The following ATP12A variants were observed in gnomAD, a reference collection of about 807,000 sequenced individuals.
ATP12A encodes ATPase H+/K+ transporting non-gastric alpha2 subunit.
Under a neutral mutation model 111.2 loss-of-function variants are expected in ATP12A, and 81 were observed. The ratio of observed to expected loss-of-function variants is 0.73; its 90% CI spans 0.61 to 0.88. ATP12A has a LOEUF of 0.88. Among genes scored for constraint, ATP12A ranks in the 40% least tolerant of loss-of-function variants. ATP12A has a pLI of 0.00. For missense variants in ATP12A, 1,196 were observed against 1,313.1 expected, an observed-to-expected ratio of 0.91 and a Z score of 1.38; for synonymous variants, 498 against 499.8, an observed-to-expected ratio of 1.00 and a Z score of 0.05.
intron 11 of ATP12A, among the ~76,000 whole-genome samples, chr13:24,698,453 C>G (rs1458392442): frequency 6.6e-6 from 1 of 152,094 alleles, no homozygotes; most frequent in African/African-American, 2.4e-5. Flanking sequence ...GAAAGATGAG[C>G]TCCACTTATC....
chr13:24,688,402 C>G lies in ATP12A; in HGVS notation c.312C>G (p.Ile104Met). 6.2e-7 allele frequency: 1 copy of G among 1,614,168 alleles called. No homozygotes were observed. Among genetic ancestry groups the G allele is most frequent in the Non-Finnish European group, 8.5e-7 (1 of 1,180,036 alleles). ...CCCCTCCCAAGCAGACGCCTGAGAT[C>G]GTCAAGTTCCTCAAGCAGATGGTGG... ...SLTPPKQTPE[I>M]VKFLKQMVGG... is the part of the protein sequence containing the mutation. Residue 104 changes from isoleucine (I) to methionine (M), a missense_variant, in exon 4 of 23, where the codon ATC (isoleucine) becomes ATG (methionine). Transcript: ENST00000381946.
chr13:24,680,844 G>A, intron 1 of ATP12A, 92 bp downstream of exon 1: 1 of 1,403,224 alleles, frequency 7.1e-7, no homozygotes, highest in Non-Finnish European at 9.2e-7. Flanking sequence ...AGGAAAAGGC[G>A]AAGAGGAGAA....
At chr13:24,709,853 G>T (rs1875886372) in intron 19 of ATP12A, 25 bp downstream of exon 19, 2 of 1,612,038 alleles carry the variant, frequency 1.2e-6, no homozygotes, top group East Asian at 2.2e-5. Context: ...CCCTGCTGCA[G>T]AGTCCACCTG....
chr13:24,688,705 G>A (rs560755939), intron 4 of ATP12A, among the ~76,000 whole-genome samples, 183 bp downstream of exon 4: 79 of 152,266 alleles, frequency 5.2e-4, no homozygotes, highest in African/African-American at 1.8e-3. Flanking sequence ...CATGAAGAGG[G>A]ATACACAAAA....
In ATP12A at chr13:24,711,691, T is replaced by A; in HGVS notation, c.*169T>A. ...GGATGCTCACTGATGTTTTGCACTT[T>A]AAAACTGAAATTCAACTCTTTATAT... On this transcript the variant is annotated 3_prime_UTR_variant, in exon 23 of 23. Transcript: ENST00000381946. 3 of 843,778 alleles carry A rather than the reference T, an allele frequency of 3.6e-6. No individual in the cohort carries two copies. The highest frequency in any genetic ancestry group is 5.5e-6 in the Non-Finnish European group (3 of 547,898). The allele number at this position is 843,778 out of a possible 1,614,324, so 52.3% of individuals were successfully genotyped here.
intron 4 of ATP12A, among the ~76,000 whole-genome samples, chr13:24,689,011 A>G (rs2137694403): frequency 6.6e-6 from 1 of 152,244 alleles, no homozygotes; most frequent in African/African-American, 2.4e-5. Flanking sequence ...GAGTGACGGC[A>G]GAGGGGCCGG....
Position 24,692,476 on chromosome 13 carries a change from G to T in ATP12A, c.1116G>T (p.Leu372=). Residue 372 remains leucine, a synonymous_variant, in exon 9 of 23, where the codon CTG becomes CTT. Coordinates refer to ENST00000381946, the MANE Select transcript of ATP12A (RefSeq NM_001676.7). ...AACGGATGGCCAAGAAGAACTGCCT[G>T]GTGAAGAACCTGGAGGCTGTGGAGA... ...TAKRMAKKNC[L]VKNLEAVETL... 1 of 1,614,152 alleles carries T rather than the reference G, an allele frequency of 6.2e-7. No individual in the cohort carries two copies. Among genetic ancestry groups the T allele is most frequent in the Non-Finnish European group, 8.5e-7 (1 of 1,180,036 alleles).
intron 3 of ATP12A, among the ~76,000 whole-genome samples, chr13:24,687,904 C>T (rs1293256181): frequency 6.6e-6 from 1 of 152,148 alleles, no homozygotes; most frequent in Non-Finnish European, 1.5e-5. Context: ...AAACTAAAAC[C>T]CCTTAGCAGA....
rs1314697919 is a variant in ATP12A, at chr13:24,706,349, G to GAAGGACATGA, written c.2056_2065dup (p.Ser689LysfsTer10). 6.2e-7 allele frequency: 1 copy of GAAGGACATGA among 1,614,244 alleles called. No individual in the cohort carries two copies. Among genetic ancestry groups the GAAGGACATGA allele is most frequent in the Non-Finnish European group, 8.5e-7 (1 of 1,180,026 alleles). ...CCGCTGTGGTGACTGGCATGGAGCT[G>GAAGGACATGA]AAGGACATGAGCTCAGAACAGCTGG... On this transcript the variant is annotated frameshift_variant, in exon 15 of 23. Coordinates refer to ENST00000381946, the MANE Select transcript of ATP12A (RefSeq NM_001676.7). LOFTEE classifies it high-confidence loss of function.
intron 2 of ATP12A, among the ~76,000 whole-genome samples, chr13:24,682,042 GTGTGGTGTGTGTGTATGGTGTGTGTGTA>G (rs1874471203): frequency 7.5e-6 from 1 of 134,116 alleles, no homozygotes; most frequent in Non-Finnish European, 1.6e-5. Context: ...GTGTGTATGT[GTGTGGTGTGTGTGTATGGTGTGTGTGTA>G]TGGTGTGTGT....
At chr13:24,704,505 C>T (rs1232901155) in intron 14 of ATP12A, 1 of 152,858 alleles carries the variant, frequency 6.5e-6, no homozygotes, top group Non-Finnish European at 1.5e-5. Context: ...TGCCCTTAGC[C>T]TCCTCCTGTG....
chr13:24,681,535 A>T (rs1874431478), intron 1 of ATP12A, 27 bp from the exon 2 acceptor site: 2 of 1,601,664 alleles, frequency 1.2e-6, no homozygotes, highest in Admixed American at 1.8e-5. Flanking sequence ...ATTTGGGGCC[A>T]ATATTGCACC....
At position 24,701,998 on chromosome 13, in the gene ATP12A, AT is replaced by A. The variant is rs1875419867; in HGVS notation, c.1948del (p.Ser650GlnfsTer31). ...AGCTATTGCCAAGAGTGTGGGGATCATTTCAGCCAACAGTGAAACAGTGGAA... is the reference window on the plus strand; with the variant it reads ...AGCTATTGCCAAGAGTGTGGGGATCATTCAGCCAACAGTGAAACAGTGGAA... ...AKAIAKSVGI[I>X]SANSETVEDI... On this transcript the variant is annotated frameshift_variant, in exon 14 of 23. Coordinates refer to ENST00000381946, the MANE Select transcript of ATP12A (RefSeq NM_001676.7). LOFTEE classifies it high-confidence loss of function. 6.2e-7 allele frequency: 1 copy of A among 1,614,210 alleles called. No individual in the cohort carries two copies. The highest frequency in any genetic ancestry group is 2.2e-5 in the East Asian group (1 of 44,882).
chr13:24,710,938 T>G, intron 21 of ATP12A, 45 bp downstream of exon 21: 1 of 1,560,600 alleles, frequency 6.4e-7, no homozygotes, highest in Non-Finnish European at 8.8e-7. Context: ...CAGCCTCTGC[T>G]TTGAGCTGTC....
intron 11 of ATP12A, among the ~76,000 whole-genome samples, chr13:24,697,729 C>A (rs1867770): frequency 6.7e-6 from 1 of 150,290 alleles, no homozygotes; most frequent in Non-Finnish European, 1.5e-5. Context: ...GGGAGGTTTT[C>A]TGTTTGGTTT....
At chr13:24,680,907 C>T (rs906226102) in intron 1 of ATP12A, among the ~76,000 whole-genome samples, 155 bp downstream of exon 1, 3 of 152,238 alleles carry the variant, frequency 2.0e-5, no homozygotes, top group Non-Finnish European at 4.4e-5. Context: ...CGCCCCCCGG[C>T]CTGGGCACCG....
At chr13:24,688,207 C>A in intron 3 of ATP12A, 112 bp from the exon 4 acceptor site, 1 of 1,250,348 alleles carries the variant, frequency 8.0e-7, no homozygotes, top group Non-Finnish European at 1.1e-6. Flanking sequence ...TCTTTGGCCA[C>A]GTTAATGCCT....
At chr13:24,709,888 C>T (rs977560658) in intron 19 of ATP12A, 60 bp downstream of exon 19, 218 of 1,596,218 alleles carry the variant, frequency 1.4e-4, no homozygotes, top group East Asian at 3.6e-4. Flanking sequence ...CATTGCCCTG[C>T]GCAGAATTAC....
At chr13:24,705,254 G>C (rs139961716) in intron 14 of ATP12A, among the ~76,000 whole-genome samples, 4 of 152,204 alleles carry the variant, frequency 2.6e-5, no homozygotes, top group Non-Finnish European at 5.9e-5. Context: ...AGCGAGACCC[G>C]TGAAGGCCTT....
Sources: gnomAD v4.1 joint callset for allele counts (sites outside exome capture counted in the v4.1 genomes callset) on GRCh38, gnomAD v4.1.1 for gene constraint, MANE v1.5 for transcripts, NCBI Gene and HGNC (gene_info 2026-07-23, HGNC 2026-07-21) for gene names.